The following RCAN2 variants were observed in gnomAD, a reference collection of about 807,000 sequenced individuals.
RCAN2 encodes the protein calcipressin-2.
In RCAN2, 9 loss-of-function variants were observed where a neutral mutation model predicts 23.6. That is an observed-to-expected ratio of 0.38 (90% CI 0.23 to 0.67). The LOEUF is 0.67. RCAN2 is among the 30% of genes least tolerant of loss of function. The pLI, the probability that RCAN2 is intolerant of heterozygous loss-of-function variation, is 0.51. For missense variants in RCAN2, 273 were observed against 302.3 expected (o/e 0.90, Z 0.72); for synonymous variants, 109 against 115.7 (o/e 0.94, Z 0.37).
At chr6:46,297,061 G>A (rs896394416) in intron 2 of RCAN2, among the ~76,000 whole-genome samples, 1 of 152,014 alleles carries the variant, frequency 6.6e-6, no homozygotes, top group East Asian at 1.9e-4. Flanking sequence ...TCTGAACTCC[G>A]CTTCAGAGAA....
intron 2 of RCAN2, among the ~76,000 whole-genome samples, chr6:46,353,813 G>A (rs1173929741): frequency 3.9e-5 from 6 of 152,172 alleles, no homozygotes; most frequent in Non-Finnish European, 1.5e-5. Flanking sequence ...CATGCATTTG[G>A]AGCATGATAA....
intron 4 of RCAN2, among the ~76,000 whole-genome samples, chr6:46,229,159 T>C (rs897358217): frequency 6.6e-6 from 1 of 152,208 alleles, no homozygotes; most frequent in Non-Finnish European, 1.5e-5. Context: ...TGGTGGGCTT[T>C]CCTTTGTGGG....
chr6:46,249,926 T>G (rs1766652743), intron 2 of RCAN2, among the ~76,000 whole-genome samples: 1 of 152,234 alleles, frequency 6.6e-6, no homozygotes, highest in South Asian at 2.1e-4. Flanking sequence ...AAAAAATCTC[T>G]ATTGCATTAA....
At chr6:46,407,414 G>T (rs902274567) in intron 2 of RCAN2, among the ~76,000 whole-genome samples, 2 of 152,190 alleles carry the variant, frequency 1.3e-5, no homozygotes, top group Non-Finnish European at 2.9e-5. Flanking sequence ...CAGTGATGAT[G>T]TAAACATTTT....
At chr6:46,424,971 G>T (rs187595355) in intron 2 of RCAN2, among the ~76,000 whole-genome samples, 149 of 152,254 alleles carry the variant, frequency 9.8e-4, no homozygotes, top group African/African-American at 3.4e-3. Context: ...TGGAGCTTTT[G>T]TTCTAGCCAG....
At chr6:46,490,821 C>G (rs1238365754) in intron 1 of RCAN2, among the ~76,000 whole-genome samples, 5 of 152,080 alleles carry the variant, frequency 3.3e-5, no homozygotes, top group African/African-American at 9.7e-5. Context: ...GCGTCATCCT[C>G]GCTCCTTCAC....
At chr6:46,296,485 A>G (rs909246816) in intron 2 of RCAN2, among the ~76,000 whole-genome samples, 2 of 152,032 alleles carry the variant, frequency 1.3e-5, no homozygotes, top group Admixed American at 6.6e-5. Flanking sequence ...ATAAATAGAC[A>G]CTTATGTTTC....
chr6:46,387,243 T>C (rs1350260122), intron 2 of RCAN2, among the ~76,000 whole-genome samples: 3 of 152,090 alleles, frequency 2.0e-5, no homozygotes, highest in South Asian at 2.1e-4. Flanking sequence ...AAAGCCAAAA[T>C]TGACAAATAG....
intron 4 of RCAN2, among the ~76,000 whole-genome samples, chr6:46,232,365 G>C (rs190350481): frequency 6.6e-6 from 1 of 152,322 alleles, no homozygotes; most frequent in East Asian, 1.9e-4. Context: ...TTGCTAAGGA[G>C]AGAAATCTAC....
Position 46,220,757 on chromosome 6 carries a change from A to G in RCAN2, c.*2384T>C, listed in dbSNP as rs1765451028. ...AAGAGTCATTCACCAGATATATTTG[A>G]AGTCTAAGCTCTTTGAGCTATACAC... On this transcript the variant is annotated 3_prime_UTR_variant, in exon 5 of 5. Transcript: ENST00000371374. The G allele has an allele frequency of 6.6e-6, 1 of 152,646 alleles. No homozygotes were observed. The highest frequency in any genetic ancestry group is 2.4e-5 in the African/African-American group (1 of 41,448). 9.5% of individuals were successfully genotyped at this position (152,646 alleles called of 1,614,324 possible).
intron 2 of RCAN2, among the ~76,000 whole-genome samples, chr6:46,347,313 G>A (rs13209946): frequency 0.026 from 3,885 of 152,194 alleles, 76 homozygotes; most frequent in Non-Finnish European, 0.041. Context: ...CTCCCTCCTG[G>A]GTGGACACAT....
At chr6:46,404,743 G>C (rs1010393116) in intron 2 of RCAN2, among the ~76,000 whole-genome samples, 1 of 152,176 alleles carries the variant, frequency 6.6e-6, no homozygotes, top group Admixed American at 6.5e-5. Flanking sequence ...TAGAGAAATG[G>C]AGGTCAGAGT....
chr6:46,283,357 C>A (rs1762265306), intron 2 of RCAN2, among the ~76,000 whole-genome samples: 1 of 152,116 alleles, frequency 6.6e-6, no homozygotes, highest in Non-Finnish European at 1.5e-5. Context: ...GTGGGAGAAT[C>A]ACTTGAGCCC....
At chr6:46,276,193 T>C (rs575311666) in intron 2 of RCAN2, among the ~76,000 whole-genome samples, 16 of 146,936 alleles carry the variant, frequency 1.1e-4, no homozygotes, top group Admixed American at 1.0e-3. Flanking sequence ...CCAGCCTGAG[T>C]GACAGAGTGA....
chr6:46,392,231 C>T (rs541102603), intron 2 of RCAN2, among the ~76,000 whole-genome samples: 41 of 152,182 alleles, frequency 2.7e-4, no homozygotes, highest in South Asian at 6.2e-4. Flanking sequence ...AGAGGAGGAA[C>T]GCCAGCAAGG....
chr6:46,375,412 G>A (rs138977961), intron 2 of RCAN2, among the ~76,000 whole-genome samples: 166 of 152,224 alleles, frequency 1.1e-3, no homozygotes, highest in Non-Finnish European at 2.1e-3. Flanking sequence ...CCCAGACACA[G>A]ATATGATCAT....
intron 2 of RCAN2, among the ~76,000 whole-genome samples, chr6:46,455,966 T>G (rs944513058): frequency 1.3e-5 from 2 of 151,852 alleles, no homozygotes; most frequent in African/African-American, 4.8e-5. Flanking sequence ...CTTTTACAAC[T>G]AAGAATCTAC....
intron 2 of RCAN2, among the ~76,000 whole-genome samples, chr6:46,334,579 G>A (rs992992246): frequency 6.6e-6 from 1 of 152,132 alleles, no homozygotes; most frequent in East Asian, 1.9e-4. Flanking sequence ...GGGCAGGAGA[G>A]GTCCATGAGA....
chr6:46,225,635 A>AT (rs978410332), intron 4 of RCAN2, among the ~76,000 whole-genome samples: 5 of 151,438 alleles, frequency 3.3e-5, no homozygotes, highest in African/African-American at 9.7e-5. Context: ...GGGTTGTTTG[A>AT]TTTTTTTTCT....
Sources: allele counts gnomAD v4.1 joint callset (sites outside exome capture counted in the v4.1 genomes callset), GRCh38; gene constraint gnomAD v4.1.1; transcripts MANE v1.5; gene names NCBI Gene and HGNC (gene_info 2026-07-23, HGNC 2026-07-21).